Variants in TEX22 observed in about 807,000 individuals in gnomAD.
TEX22 encodes testis expressed 22, also known as testis-expressed protein 22.
TEX22 carries 16 observed loss-of-function variants against 11.3 expected under a neutral mutation model. The observed-to-expected ratio is 1.42, with a 90% CI of 0.96 to 2.15. TEX22 has a LOEUF of 2.15. Ranked by LOEUF, TEX22 falls within the 30% of genes most tolerant of loss-of-function variation. The probability of loss-of-function intolerance (pLI) is 0.00; values close to 1 mark genes in which losing one functional copy is unlikely to be tolerated. For missense variants in TEX22, 220 were observed against 208.6 expected, an observed-to-expected ratio of 1.05 and a Z score of -0.34; for synonymous variants, 97 against 92.3, an observed-to-expected ratio of 1.05 and a Z score of -0.29.
chr14:105,402,094 G>A (rs1358225733), intron 2 of TEX22, among the ~76,000 whole-genome samples: 1 of 152,178 alleles, frequency 6.6e-6, no homozygotes, highest in African/African-American at 2.4e-5. Context: ...GCTGAGGCAG[G>A]AGAATTGCTT....
chr14:105,398,897 G>A (rs1322500580), intron 1 of TEX22, among the ~76,000 whole-genome samples: 1 of 152,258 alleles, frequency 6.6e-6, no homozygotes, highest in Non-Finnish European at 1.5e-5. Context: ...TCGGAAGCGG[G>A]GCTGTGGCAA....
intron 2 of TEX22, among the ~76,000 whole-genome samples, chr14:105,402,817 A>G (rs2081639842): frequency 6.6e-6 from 1 of 152,102 alleles, no homozygotes; most frequent in Non-Finnish European, 1.5e-5. Flanking sequence ...ACACTTTACA[A>G]TGTTACTGAA....
chr14:105,405,306 C>G (rs1480871160), intron 2 of TEX22, among the ~76,000 whole-genome samples: 1 of 151,882 alleles, frequency 6.6e-6, no homozygotes, highest in Non-Finnish European at 1.5e-5. Flanking sequence ...AAAAAAAGAT[C>G]GAGTTGCTTG....
At chr14:105,398,943 A>G (rs2081605176) in intron 1 of TEX22, among the ~76,000 whole-genome samples, 1 of 152,200 alleles carries the variant, frequency 6.6e-6, no homozygotes, top group Non-Finnish European at 1.5e-5. Context: ...GGGCGTAGCA[A>G]GGCCGGGCCC....
At chr14:105,402,855 G>A (rs1163967085) in intron 2 of TEX22, among the ~76,000 whole-genome samples, 2 of 152,064 alleles carry the variant, frequency 1.3e-5, no homozygotes, top group African/African-American at 4.8e-5. Context: ...GATGGAGATG[G>A]TTATCATATT....
At chr14:105,409,042 C>A (rs1275606417) in intron 2 of TEX22, among the ~76,000 whole-genome samples, 2 of 150,110 alleles carry the variant, frequency 1.3e-5, no homozygotes, top group African/African-American at 2.4e-5. Flanking sequence ...CTAGGACTCT[C>A]CTCTCACAGA....
chr14:105,401,609 C>G (rs2081627047), intron 2 of TEX22, among the ~76,000 whole-genome samples: 1 of 151,010 alleles, frequency 6.6e-6, no homozygotes. Context: ...GGAGGGATAG[C>G]ATTAGGAGAT....
chr14:105,404,363 A>G (rs1368767131), intron 2 of TEX22, among the ~76,000 whole-genome samples: 1 of 152,178 alleles, frequency 6.6e-6, no homozygotes, highest in African/African-American at 2.4e-5. Context: ...TTAACCTTGG[A>G]AGTCACACTC....
intron 2 of TEX22, among the ~76,000 whole-genome samples, chr14:105,409,140 G>A (rs911466289): frequency 5.9e-5 from 9 of 151,836 alleles, no homozygotes; most frequent in African/African-American, 1.9e-4. Flanking sequence ...CAGCCCAGCT[G>A]GCAGGGCCAC....
chr14:105,410,868 C>G (rs1312111772), intron 2 of TEX22, among the ~76,000 whole-genome samples: 1 of 152,230 alleles, frequency 6.6e-6, no homozygotes, highest in African/African-American at 2.4e-5. Context: ...TGGTCCCTGC[C>G]CTCCAGTCTC....
intron 2 of TEX22, among the ~76,000 whole-genome samples, chr14:105,400,765 C>A (rs1691972540): frequency 1.3e-5 from 2 of 152,036 alleles, no homozygotes; most frequent in South Asian, 4.1e-4. Flanking sequence ...GGTTGTTGGC[C>A]AAGGGTGGAA....
In TEX22 at chr14:105,400,606, C is replaced by T. The variant is rs148397100; in HGVS notation, c.150+1116C>T. 4.4e-3 allele frequency among the ~76,000 whole-genome samples: 674 copies of T among 152,070 alleles called. 2 individuals are homozygous for T. Among genetic ancestry groups the T allele is most frequent in the Admixed American group, 8.3e-3 (127 of 15,276 alleles). On this transcript the variant is annotated intron_variant, in intron 2 of 3. Coordinates refer to ENST00000451127, the MANE Select transcript of TEX22 (RefSeq NM_001195082.2). ...CCATATCCAGCAAGGACACAGGGACCCAGTGGCTCTTGGGCAGGGGCAGCC... is the reference window on the plus strand; with the variant it reads ...CCATATCCAGCAAGGACACAGGGACTCAGTGGCTCTTGGGCAGGGGCAGCC...
chr14:105,402,562 G>A (rs1008696178), intron 2 of TEX22, among the ~76,000 whole-genome samples: 3 of 151,766 alleles, frequency 2.0e-5, no homozygotes, highest in African/African-American at 4.9e-5. Flanking sequence ...AGACCATCCT[G>A]GCTAACACGG....
intron 1 of TEX22, among the ~76,000 whole-genome samples, chr14:105,398,860 G>C (rs994300178): frequency 6.6e-6 from 1 of 152,244 alleles, no homozygotes; most frequent in Non-Finnish European, 1.5e-5. Context: ...GGCGAGGCCT[G>C]GGCCGCGTGG....
rs930279009 is a variant in TEX22 at position 105,403,593 on chromosome 14, T to A, written c.150+4103T>A. 1.2e-4 allele frequency among the ~76,000 whole-genome samples: 18 copies of A among 152,310 alleles called. 1 individual carries two copies. The highest frequency in any genetic ancestry group is 6.8e-3 in the Middle Eastern group (2 of 294). ...GCATGCCACCATGCCTAGCTAATTT[T>A]AAAAAAATTTTTGCAGAGATGGGGT... On this transcript the variant is annotated intron_variant, in intron 2 of 3. Coordinates refer to ENST00000451127, the MANE Select transcript of TEX22 (RefSeq NM_001195082.2).
At chr14:105,410,623 A>G (rs1566986579) in intron 2 of TEX22, among the ~76,000 whole-genome samples, 1 of 152,160 alleles carries the variant, frequency 6.6e-6, no homozygotes, top group Non-Finnish European at 1.5e-5. Context: ...AGGAATGAGA[A>G]TTCACTTCGG....
chr14:105,409,332 GAT>G (rs1303930477), intron 2 of TEX22, among the ~76,000 whole-genome samples: 3 of 152,192 alleles, frequency 2.0e-5, no homozygotes, highest in Admixed American at 6.5e-5. Flanking sequence ...AGACTCTAAA[GAT>G]ATGAAAATAT....
intron 1 of TEX22, among the ~76,000 whole-genome samples, chr14:105,398,895 G>A (rs1232799910): frequency 1.3e-5 from 2 of 152,232 alleles, no homozygotes; most frequent in Non-Finnish European, 2.9e-5. Flanking sequence ...GGTCGGAAGC[G>A]GGGCTGTGGC....
In TEX22 at chr14:105,398,616, G is replaced by GGCCTCTCCATCCGCGGCGGGTCTGT. The variant is rs1409176539; in HGVS notation, c.-58_-40+6dup. 1.3e-5 allele frequency: 2 copies of GGCCTCTCCATCCGCGGCGGGTCTGT among 152,326 alleles called. No homozygotes were observed. The highest frequency in any genetic ancestry group is 2.9e-5 in the Non-Finnish European group (2 of 68,118). The allele number at this position is 152,326 out of a possible 1,614,324, so 9.4% of individuals were successfully genotyped here. ...GCGGTGTACTCCAGCGGCCCCCTGT[G>GGCCTCTCCATCCGCGGCGGGTCTGT]GCCTCTCCATCCGCGGCGGGTCTGT... On this transcript the variant is annotated 5_prime_UTR_variant, in exon 1 of 4. Transcript: ENST00000451127.
Sources: allele counts gnomAD v4.1 joint callset (sites outside exome capture counted in the v4.1 genomes callset), GRCh38; gene constraint gnomAD v4.1.1; transcripts MANE v1.5; gene names NCBI Gene and HGNC (gene_info 2026-07-23, HGNC 2026-07-21).